ANXA2: variants seen among roughly 807,000 people sequenced by gnomAD.
ANXA2 encodes the protein annexin II.
ANXA2 carries 28 observed loss-of-function variants against 47.3 expected under a neutral mutation model. The ratio of observed to expected loss-of-function variants is 0.59; its 90% CI spans 0.44 to 0.81. ANXA2 has a LOEUF of 0.81. ANXA2 is among the 40% of genes least tolerant of loss of function. The pLI, the probability that ANXA2 is intolerant of heterozygous loss-of-function variation, is 0.00. For synonymous variants in ANXA2, 172 were observed against 155.5 expected (o/e 1.11, Z -0.79); for missense variants, 384 against 414.3 (o/e 0.93, Z 0.64).
intron 1 of ANXA2, chr15:60,396,534 A>C (rs1379953329): frequency 6.6e-6 from 1 of 152,236 alleles, no homozygotes; most frequent in Non-Finnish European, 1.5e-5. Flanking sequence ...AAAAAGTTCC[A>C]GAAAAATATT....
At chr15:60,373,426 G>C (rs2062736154) in intron 3 of ANXA2, among the ~76,000 whole-genome samples, 1 of 152,174 alleles carries the variant, frequency 6.6e-6, no homozygotes. Flanking sequence ...GAGATTTTTA[G>C]GGAGAGAAAA....
chr15:60,351,788 A>C lies in ANXA2; in HGVS notation c.714T>G (p.Tyr238Ter), dbSNP rs769705842. 2 of 1,613,742 alleles carry C rather than the reference A, an allele frequency of 1.2e-6. No individual in the cohort carries two copies. Among genetic ancestry groups the C allele is most frequent in the Admixed American group, 3.3e-5 (2 of 60,024 alleles). Residue 238 changes from tyrosine to a stop codon, truncating the protein, a stop_gained, in exon 10 of 13, where the codon TAT (tyrosine) becomes TAG (stop). Coordinates refer to ENST00000451270, the MANE Select transcript of ANXA2 (RefSeq NM_004039.3). LOFTEE classifies it high-confidence loss of function. Reference protein sequence around the residue: ...VFDRYKSYSPYDMLESIRKEV... With the variant: ...VFDRYKSYSP ...CTTTCCTGATGCTTTCCAACATGTC[A>C]TAAGGGCTGTAACTCTTGTACCTAT...
intron 11 of ANXA2, 127 bp downstream of exon 11, chr15:60,351,066 A>T: frequency 1.2e-6 from 1 of 836,184 alleles, no homozygotes; most frequent in Non-Finnish European, 2.0e-6. Flanking sequence ...ACAGCTGACT[A>T]GTGTGTTCCT....
In ANXA2 at chr15:60,347,205, TA is replaced by T. The variant is rs1421735650; in HGVS notation, c.*424del. On this transcript the variant is annotated 3_prime_UTR_variant, in exon 13 of 13. Transcript: ENST00000451270. ...TTTAACTTAAATAGCGACACTTGGA[TA>T]GGGGCAACCATACTGTACAGCTCAG... 1.2e-5 allele frequency: 2 copies of T among 163,956 alleles called. No homozygotes were observed. Among genetic ancestry groups the T allele is most frequent in the African/African-American group, 4.8e-5 (2 of 41,928 alleles). The allele number at this position is 163,956 out of a possible 1,614,324, so 10.2% of individuals were successfully genotyped here. A position where few individuals can be genotyped will look rare whatever the true frequency, so the allele number is the denominator to read the frequency against.
chr15:60,382,335 C>T lies in ANXA2; in HGVS notation c.148+7G>A. The T allele has an allele frequency of 6.2e-7, 1 of 1,603,322 alleles. No individual in the cohort carries two copies. Among genetic ancestry groups the T allele is most frequent in the South Asian group, 1.1e-5 (1 of 90,848 alleles). ...CCTGACAAGAAGAGGACAAATGTAT[C>T]ACCTACCTTTGGTCTTGATGGCTGT... is the stretch of plus-strand genomic sequence containing the variant. On this transcript the variant is annotated splice_region_variant and intron_variant, in intron 3 of 12. Coordinates refer to ENST00000451270, the MANE Select transcript of ANXA2 (RefSeq NM_004039.3).
At chr15:60,362,966 A>G (rs2062537746) in intron 4 of ANXA2, 1 of 144,178 alleles carries the variant, frequency 6.9e-6, no homozygotes, top group Non-Finnish European at 1.5e-5. Context: ...ACATGGCAGA[A>G]GTTGCAGTAA....
At chr15:60,397,861 C>A in intron 1 of ANXA2, 82 bp downstream of exon 1, 2 of 1,388,226 alleles carry the variant, frequency 1.4e-6, no homozygotes, top group Middle Eastern at 1.9e-4. Flanking sequence ...GCCTCCCTGC[C>A]AGGCCGTACC....
At chr15:60,354,642 GAAAGAAAAGA>G (rs2062399212) in intron 7 of ANXA2, among the ~76,000 whole-genome samples, 1 of 141,542 alleles carries the variant, frequency 7.1e-6, no homozygotes, top group African/African-American at 2.6e-5. Flanking sequence ...AAAAAAGAAA[GAAAGAAAAGA>G]AAAAGAAAAA....
chr15:60,366,413 G>C (rs1300671103), intron 3 of ANXA2, among the ~76,000 whole-genome samples: 30 of 144,562 alleles, frequency 2.1e-4, no homozygotes, highest in South Asian at 1.1e-3. Flanking sequence ...GCATCTCTGC[G>C]CGGCCGCCCA....
At chr15:60,363,681 C>T (rs115292746) in intron 4 of ANXA2, among the ~76,000 whole-genome samples, 2,032 of 152,278 alleles carry the variant, frequency 0.013, 44 homozygotes, top group African/African-American at 0.047. Context: ...AAAAAGCACA[C>T]AAAGACCCTT....
chr15:60,397,403 T>G (rs1051517041), intron 1 of ANXA2: 1 of 784,832 alleles, frequency 1.3e-6, no homozygotes, highest in African/African-American at 1.9e-5. Flanking sequence ...GGGTGCCTAC[T>G]CACACTCCCC....
chr15:60,349,775 A>G (rs1895905184), intron 11 of ANXA2, among the ~76,000 whole-genome samples: 1 of 145,540 alleles, frequency 6.9e-6, no homozygotes, highest in South Asian at 2.3e-4. Context: ...AAAGGGAAGG[A>G]AGGAAGGAGA....
At chr15:60,368,969 G>A (rs1595685342) in intron 3 of ANXA2, among the ~76,000 whole-genome samples, 2 of 152,170 alleles carry the variant, frequency 1.3e-5, no homozygotes, top group South Asian at 2.1e-4. Context: ...CAACCAAGAG[G>A]GGATAGCTAT....
rs185253725 is a variant in ANXA2, at chr15:60,388,548, A to G, written c.-11-2462T>C. ...CAATTACAACTATGATATGTTGAAT[A>G]TATCTTATTTCCATTTAATTTCCTT... On this transcript the variant is annotated intron_variant, in intron 1 of 12. Coordinates refer to ENST00000451270, the MANE Select transcript of ANXA2 (RefSeq NM_004039.3). 2.6e-3 allele frequency among the ~76,000 whole-genome samples: 396 copies of G among 151,472 alleles called. 3 individuals are homozygous for G. The highest frequency in any genetic ancestry group is 2.1e-3 in the South Asian group (10 of 4,776).
At chr15:60,350,949 T>C (rs762160928) in intron 11 of ANXA2, among the ~76,000 whole-genome samples, 8 of 152,190 alleles carry the variant, frequency 5.3e-5, no homozygotes, top group African/African-American at 1.9e-4. Context: ...CATGTCGCAT[T>C]TTCTCTCTCC....
intron 4 of ANXA2, among the ~76,000 whole-genome samples, chr15:60,363,447 C>T (rs2062547334): frequency 6.6e-6 from 1 of 152,206 alleles, no homozygotes; most frequent in Non-Finnish European, 1.5e-5. Context: ...TTCTAGAATC[C>T]TTCCAGCTCA....
intron 2 of ANXA2, chr15:60,385,804 C>A: frequency 2.0e-6 from 1 of 494,312 alleles, no homozygotes; most frequent in East Asian, 3.4e-5. Context: ...GTCACTAATT[C>A]TGTCCAATTT....
At chr15:60,358,539 A>G (rs2062466580) in intron 5 of ANXA2, among the ~76,000 whole-genome samples, 1 of 152,208 alleles carries the variant, frequency 6.6e-6, no homozygotes, top group Non-Finnish European at 1.5e-5. Flanking sequence ...TGCCCCGAAA[A>G]AGTAGTTTGT....
chr15:60,349,301 G>T, intron 11 of ANXA2, 104 bp from the exon 12 acceptor site: 1 of 1,388,902 alleles, frequency 7.2e-7, no homozygotes, highest in Non-Finnish European at 9.8e-7. Flanking sequence ...AATCTAAAAT[G>T]CTCCAAAATC....
Sources: gnomAD v4.1 joint callset for allele counts (sites outside exome capture counted in the v4.1 genomes callset) on GRCh38, gnomAD v4.1.1 for gene constraint, MANE v1.5 for transcripts, NCBI Gene and HGNC (gene_info 2026-07-23, HGNC 2026-07-21) for gene names.